Variants in CCDC171 observed in about 807,000 individuals in gnomAD.
The protein encoded by CCDC171 is coiled-coil domain containing 171.
A neutral mutation model predicts 168.2 loss-of-function variants in CCDC171; 177 were observed. The observed-to-expected ratio is 1.05, with a 90% CI of 0.93 to 1.19. CCDC171 has a LOEUF of 1.19. Ranked by LOEUF, CCDC171 falls within the 50% of genes most tolerant of loss-of-function variation. CCDC171 has a pLI of 0.00. For missense variants in CCDC171, 1,991 were observed against 1,539.0 expected, an observed-to-expected ratio of 1.29 and a Z score of -4.91; for synonymous variants, 687 against 540.8, an observed-to-expected ratio of 1.27 and a Z score of -3.75.
At chr9:15,726,184 C>G (rs1448578748) in intron 14 of CCDC171, among the ~76,000 whole-genome samples, 1 of 152,152 alleles carries the variant, frequency 6.6e-6, no homozygotes, top group Non-Finnish European at 1.5e-5. Flanking sequence ...AATTGCTCTA[C>G]ACATCAGATA....
intron 1 of CCDC171, among the ~76,000 whole-genome samples, chr9:16,053,511 ATGTT>A (rs1833784611): frequency 6.6e-6 from 1 of 152,314 alleles, no homozygotes; most frequent in Non-Finnish European, 1.5e-5. Context: ...TCCTTGATGA[ATGTT>A]TGTTTGAGGA....
At chr9:16,101,623 T>G in the CCDC171 span, among the ~76,000 whole-genome samples, 1 of 152,350 alleles carries the variant, frequency 6.6e-6, no homozygotes, top group East Asian at 1.9e-4. Flanking sequence ...ACCCTTTAAT[T>G]CTGGGTCTAG....
intron 3 of CCDC171, among the ~76,000 whole-genome samples, chr9:16,000,418 A>T (rs1433509562): frequency 6.6e-6 from 1 of 152,172 alleles, no homozygotes; most frequent in Admixed American, 6.5e-5. Flanking sequence ...AAGGAAGTGT[A>T]GGTGAGAACT....
chr9:15,922,465 G>A (rs1825453454), intron 25 of CCDC171, among the ~76,000 whole-genome samples: 1 of 151,668 alleles, frequency 6.6e-6, no homozygotes, highest in East Asian at 1.9e-4. Flanking sequence ...GGCTTTGGAG[G>A]TATATCCATT....
At chr9:15,880,197 G>A (rs1818431538) in intron 24 of CCDC171, among the ~76,000 whole-genome samples, 1 of 152,100 alleles carries the variant, frequency 6.6e-6, no homozygotes, top group Non-Finnish European at 1.5e-5. Flanking sequence ...CCATGACTGT[G>A]CTTTGAATGT....
At chr9:15,586,743 G>C (rs2041591748) in intron 4 of CCDC171, among the ~76,000 whole-genome samples, 1 of 152,106 alleles carries the variant, frequency 6.6e-6, no homozygotes. Context: ...GCAAAACCAG[G>C]AAGATTCTGA....
chr9:15,804,523 A>G (rs1438918755), intron 21 of CCDC171, among the ~76,000 whole-genome samples: 1 of 150,940 alleles, frequency 6.6e-6, no homozygotes, highest in Non-Finnish European at 1.5e-5. Flanking sequence ...TGCTTATGTG[A>G]TGAATCAGAT....
chr9:16,017,567 C>A (rs1001421700), intron 3 of CCDC171, among the ~76,000 whole-genome samples: 1 of 152,090 alleles, frequency 6.6e-6, no homozygotes, highest in Non-Finnish European at 1.5e-5. Context: ...GTTCTTAATT[C>A]TTATTACCTC....
chr9:15,970,388 C>A (rs1020841863), intron 25 of CCDC171, among the ~76,000 whole-genome samples: 2 of 150,524 alleles, frequency 1.3e-5, no homozygotes, highest in African/African-American at 2.5e-5. Context: ...AGAGGATCTA[C>A]TAAAAAGTTT....
intron 9 of CCDC171, among the ~76,000 whole-genome samples, chr9:15,667,490 A>G (rs1237458165): frequency 6.6e-6 from 1 of 152,004 alleles, no homozygotes; most frequent in Non-Finnish European, 1.5e-5. Flanking sequence ...TACTAAAAAT[A>G]AAAAAATTAG....
At chr9:15,931,274 A>C (rs1404303573) in intron 25 of CCDC171, among the ~76,000 whole-genome samples, 1 of 151,462 alleles carries the variant, frequency 6.6e-6, no homozygotes, top group Non-Finnish European at 1.5e-5. Flanking sequence ...TTTTGGTAAT[A>C]ATGATTCTAA....
At chr9:16,054,816 T>C (rs1275891988) in intron 1 of CCDC171, among the ~76,000 whole-genome samples, 1 of 152,160 alleles carries the variant, frequency 6.6e-6, no homozygotes, top group Non-Finnish European at 1.5e-5. Context: ...TGGGGAGCAT[T>C]TAGGACACTA....
Position 15,818,356 on chromosome 9 carries a change from A to G in CCDC171, c.3268-28346A>G, listed in dbSNP as rs180838295. The stretch of plus-strand genomic sequence containing the variant: ...CAAAGCTGGACAGAGAATGACTTTG[A>G]TGAGTTGAGAGAAGAAGGCTTCAGA... On this transcript the variant is annotated intron_variant, in intron 21 of 25. Transcript: ENST00000380701. 1.6e-3 allele frequency among the ~76,000 whole-genome samples: 194 copies of G among 118,270 alleles called. 54 individuals carry two copies. Among genetic ancestry groups the G allele is most frequent in the African/African-American group, 6.0e-3 (188 of 31,514 alleles). The allele number at this position is 118,270 out of a possible 152,430, so 77.6% of individuals were successfully genotyped here.
At chr9:15,839,240 C>G (rs1387085476) in intron 21 of CCDC171, among the ~76,000 whole-genome samples, 1 of 152,042 alleles carries the variant, frequency 6.6e-6, no homozygotes. Flanking sequence ...TCTTATTGGA[C>G]TTTAATATAA....
chr9:15,724,974 G>C lies in CCDC171; in HGVS notation c.1690G>C (p.Glu564Gln). 6.2e-7 allele frequency: 1 copy of C among 1,612,672 alleles called. No homozygotes were observed. The highest frequency in any genetic ancestry group is 8.5e-7 in the Non-Finnish European group (1 of 1,178,810). The part of the protein sequence containing the change: ...KLSQAFHKDA[E>Q]EKLTFLHTLY... The stretch of plus-strand genomic sequence containing the variant: ...TTCCCAGGCTTTCCATAAGGATGCA[G>C]AGGTATTACCTGAGACTCAATGACT... Residue 564 changes from glutamate (E) to glutamine (Q), a missense_variant and splice_region_variant, in exon 14 of 26, where the codon GAG (glutamate) becomes CAG (glutamine). By Grantham distance (29) the Glu-to-Gln change is conservative. Transcript: ENST00000380701.
chr9:15,663,502 C>T (rs998553308), intron 8 of CCDC171, among the ~76,000 whole-genome samples: 59 of 151,980 alleles, frequency 3.9e-4, no homozygotes, highest in African/African-American at 1.3e-3. Flanking sequence ...CCAAATGTAG[C>T]ATACTATATA....
At chr9:15,813,606 T>TTGTGTGTGTGTG (rs140437207) in intron 21 of CCDC171, among the ~76,000 whole-genome samples, 161 of 149,916 alleles carry the variant, frequency 1.1e-3, no homozygotes, top group African/African-American at 3.8e-3. Context: ...TTACATGTAT[T>TTGTGTGTGTGTG]TGTGTGTGTG....
chr9:15,788,445 G>A (rs1390531770), intron 21 of CCDC171, among the ~76,000 whole-genome samples: 1 of 151,846 alleles, frequency 6.6e-6, no homozygotes, highest in Non-Finnish European at 1.5e-5. Flanking sequence ...AAAACAAAGT[G>A]TATTGTTTCT....
chr9:15,811,098 A>G (rs2059336400), intron 21 of CCDC171, among the ~76,000 whole-genome samples: 2 of 152,228 alleles, frequency 1.3e-5, no homozygotes, highest in South Asian at 4.1e-4. Flanking sequence ...CACGTGAAGT[A>G]TCTAGGCCTG....
Sources: gnomAD v4.1 joint callset for allele counts (sites outside exome capture counted in the v4.1 genomes callset) on GRCh38, gnomAD v4.1.1 for gene constraint, MANE v1.5 for transcripts, NCBI Gene and HGNC (gene_info 2026-07-23, HGNC 2026-07-21) for gene names.